The following CDAN1 variants were observed in gnomAD, a reference collection of about 807,000 sequenced individuals.
CDAN1 encodes codanin-1.
CDAN1 carries 107 observed loss-of-function variants against 139.8 expected under a neutral mutation model. The ratio of observed to expected loss-of-function variants is 0.77; its 90% CI spans 0.65 to 0.90. The LOEUF (loss-of-function observed/expected upper bound fraction) is 0.90. Among genes scored for constraint, CDAN1 ranks in the 40% least tolerant of loss-of-function variants. CDAN1 has a pLI of 0.00. For missense variants in CDAN1, 1,667 were observed against 1,575.7 expected (o/e 1.06, Z -0.98); for synonymous variants, 776 against 660.6 (o/e 1.17, Z -2.68).
At chr15:42,726,877 C>T (rs996642229) in intron 23 of CDAN1, 12 of 188,788 alleles carry the variant, frequency 6.4e-5, no homozygotes, top group Non-Finnish European at 1.2e-4. Flanking sequence ...CACTAAGCCT[C>T]TTCCTCTCCC....
chr15:42,729,403 T>C (rs766632710), intron 17 of CDAN1, 41 bp from the exon 18 acceptor site: 1 of 1,613,192 alleles, frequency 6.2e-7, no homozygotes, highest in East Asian at 2.2e-5. Flanking sequence ...CAGAACCCTC[T>C]CCCCTCCCTA....
At chr15:42,728,382 A>G (rs1191454278) in intron 20 of CDAN1, 115 bp from the exon 21 acceptor site, 2 of 1,232,840 alleles carry the variant, frequency 1.6e-6, no homozygotes, top group Non-Finnish European at 2.4e-6. Flanking sequence ...GGAAGGAGGC[A>G]CCGTTTGCCC....
chr15:42,733,184 T>A lies in CDAN1; in HGVS notation c.1370A>T (p.Asp457Val), dbSNP rs1478670893. 1 of 1,613,364 alleles carries A rather than the reference T, an allele frequency of 6.2e-7. No individual in the cohort carries two copies. Among genetic ancestry groups the A allele is most frequent in the African/African-American group, 1.3e-5 (1 of 74,734 alleles). ...CTCTCGCAGCACCTCATAAAACACATCCCTGACGCATAAGAACGCCTGATC... is the reference window on the plus strand; with the variant it reads ...CTCTCGCAGCACCTCATAAAACACAACCCTGACGCATAAGAACGCCTGATC... Reference protein sequence around the residue: ...RAFHTFKKQRDVFYEVLREWE... With the variant: ...RAFHTFKKQRVVFYEVLREWE... Residue 457 changes from aspartate to valine, a missense_variant and splice_region_variant, in exon 9 of 28, where the codon GAT becomes GTT. Transcript: ENST00000356231.
intron 11 of CDAN1, 56 bp from the exon 12 acceptor site, chr15:42,731,387 G>C: frequency 6.2e-7 from 1 of 1,609,608 alleles, no homozygotes; most frequent in Non-Finnish European, 8.5e-7. Flanking sequence ...GGAAAAGCCA[G>C]AATCGAGAAG....
At chr15:42,730,270 G>A in intron 14 of CDAN1, 55 bp from the exon 15 acceptor site, 1 of 1,486,948 alleles carries the variant, frequency 6.7e-7, no homozygotes, top group African/African-American at 1.4e-5. Flanking sequence ...AGGGAATGGA[G>A]GCAAACGCCA....
chr15:42,735,720 C>T (rs1164615163), intron 3 of CDAN1, 41 bp from the exon 4 acceptor site: 3 of 1,608,604 alleles, frequency 1.9e-6, no homozygotes, highest in African/African-American at 2.7e-5. Flanking sequence ...AGCTTGGCTT[C>T]CCTGCTACGG....
Position 42,733,201 on chromosome 15 carries a change from C to T in CDAN1, c.1368-15G>A, listed in dbSNP as rs74586882. 5.7e-3 allele frequency: 9,159 copies of T among 1,611,950 alleles called. 36 individuals carry two copies. Among genetic ancestry groups the T allele is most frequent in the Middle Eastern group, 6.9e-3 (42 of 6,060 alleles). On this transcript the variant is annotated splice_polypyrimidine_tract_variant and intron_variant, in intron 8 of 27. Coordinates refer to ENST00000356231, the MANE Select transcript of CDAN1 (RefSeq NM_138477.4). ...AAAACACATCCCTGACGCATAAGAA[C>T]GCCTGATCAGCCGAGGCACTCACTC...
intron 20 of CDAN1, among the ~76,000 whole-genome samples, 183 bp from the exon 21 acceptor site, chr15:42,728,450 TCA>T (rs1168375112): frequency 2.1e-5 from 3 of 142,278 alleles, no homozygotes; most frequent in East Asian, 4.7e-4. Flanking sequence ...CCCCACAGCA[TCA>T]CACACGCTCC....
chr15:42,727,322 C>T (rs763653681), intron 23 of CDAN1: 21 of 333,262 alleles, frequency 6.3e-5, no homozygotes, highest in Non-Finnish European at 9.8e-5. Context: ...CATTTGCTAT[C>T]AAGCCATTCA....
chr15:42,736,995 G>A lies in CDAN1; in HGVS notation c.90+18C>T. On this transcript the variant is annotated intron_variant, in intron 1 of 27. Transcript: ENST00000356231. ...AACCGGCTTCGAGTCAGACCTGGGG[G>A]CGTGTCACCGCTGTTACCTCCGAAC... 6.5e-7 allele frequency: 1 copy of A among 1,539,758 alleles called. No individual in the cohort carries two copies. Among genetic ancestry groups the A allele is most frequent in the Non-Finnish European group, 8.8e-7 (1 of 1,140,300 alleles).
Position 42,735,252 on chromosome 15 carries a change from C to T in CDAN1, c.1057+9G>A, listed in dbSNP as rs768425467. The T allele has an allele frequency of 1.2e-6, 2 of 1,604,478 alleles. No individual in the cohort carries two copies. Among genetic ancestry groups the T allele is most frequent in the South Asian group, 2.2e-5 (2 of 89,786 alleles). On this transcript the variant is annotated intron_variant, in intron 5 of 27. Transcript: ENST00000356231. Reference sequence around the variant, plus strand: ...ACCCCATGTCTCAAAAGGAGGCTTGCTCACTGACCTAGGACAGCTGGACTT... The same window carrying T: ...ACCCCATGTCTCAAAAGGAGGCTTGTTCACTGACCTAGGACAGCTGGACTT...
At chr15:42,724,897 T>C (rs1189715146) in intron 27 of CDAN1, 5 of 612,806 alleles carry the variant, frequency 8.2e-6, no homozygotes, top group Non-Finnish European at 1.4e-5. Flanking sequence ...AAATCCAGGT[T>C]ATTCTAATTT....
rs80338699 is a variant in CDAN1 at position 42,725,550 on chromosome 15, G to C, written c.3389C>G (p.Pro1130Arg). 6.2e-7 allele frequency: 1 copy of C among 1,614,146 alleles called. No homozygotes were observed. Among genetic ancestry groups the C allele is most frequent in the Non-Finnish European group, 8.5e-7 (1 of 1,180,020 alleles). The stretch of plus-strand genomic sequence containing the variant: ...TCTTGGGCTCAGCAGCAGCTGCAGC[G>C]GAACCGGCCCCTGAAAGTCTTCCTT... ...LWKEDFQGPV[P>R]LQLLLSPRNV... The change falls in exon 26 of 28, where the codon CCG becomes CGG. Residue 1130 changes from proline (P) to arginine (R), a missense_variant. Transcript: ENST00000356231.
rs1210291888 is a variant in CDAN1, at chr15:42,731,838, A to G, written c.1534-13T>C. The stretch of plus-strand genomic sequence containing the variant: ...GGCTCTGACACATCTAGGGTGGAAG[A>G]GGAAGGAGAGAAATTAAAAAAATCA... On this transcript the variant is annotated splice_polypyrimidine_tract_variant and intron_variant, in intron 10 of 27. Transcript: ENST00000356231. 1 of 1,613,388 alleles carries G rather than the reference A, an allele frequency of 6.2e-7. No homozygotes were observed. The highest frequency in any genetic ancestry group is 8.5e-7 in the Non-Finnish European group (1 of 1,179,406).
chr15:42,735,149 T>C lies in CDAN1; in HGVS notation c.1087A>G (p.Ile363Val). ...ACTGCAAAGAAGACACAATCGTGGATGCTTTGGAACAGTGGACTTTCCAGG... is the reference window on the plus strand; with the variant it reads ...ACTGCAAAGAAGACACAATCGTGGACGCTTTGGAACAGTGGACTTTCCAGG... ...DSLESPLFQS[I>V]HDCVFFAVQV... The change falls in exon 6 of 28, where the codon ATC becomes GTC. Residue 363 changes from isoleucine to valine, a missense_variant. Physicochemically the swap from Ile to Val is conservative, Grantham distance 29 (BLOSUM62 3). Transcript: ENST00000356231. The C allele has an allele frequency of 6.2e-7, 1 of 1,614,032 alleles. No individual in the cohort carries two copies. The highest frequency in any genetic ancestry group is 1.3e-5 in the African/African-American group (1 of 75,050).
Position 42,725,655 on chromosome 15 carries a change from G to A in CDAN1, c.3284C>T (p.Pro1095Leu), listed in dbSNP as rs1304703301. The A allele has an allele frequency of 6.2e-7, 1 of 1,614,048 alleles. No homozygotes were observed. The change falls in exon 26 of 28, where the codon CCT becomes CTT. Residue 1095 changes from proline to leucine, a missense_variant. By Grantham distance (98) the Pro-to-Leu change is moderately conservative (BLOSUM62 -3). Around this residue, in one of 3 missense-constraint regions of CDAN1, gnomAD observed 936 missense variants for 844.1 expected, o/e 1.11. Coordinates refer to ENST00000356231, the MANE Select transcript of CDAN1 (RefSeq NM_138477.4). The part of the protein sequence containing the change: ...LASLLVADQI[P>L]ILGPPAQYRL... Reference sequence around the variant, plus strand: ...GTACTGTGCCGGGGGCCCTAGGATAGGAATTTGATCTGCAACTGTGGAAAG... The same window carrying A: ...GTACTGTGCCGGGGGCCCTAGGATAAGAATTTGATCTGCAACTGTGGAAAG...
Position 42,735,867 on chromosome 15 carries a change from G to T in CDAN1, c.773+8C>A, listed in dbSNP as rs1387413748. ...AAACCGATATCCCCAGGAGCGGCCA[G>T]GCCATACCGCTCCTTCCTGAGCATC... On this transcript the variant is annotated splice_region_variant and intron_variant, in intron 3 of 27. Transcript: ENST00000356231. 1.2e-6 allele frequency: 2 copies of T among 1,614,066 alleles called. No homozygotes were observed. Among genetic ancestry groups the T allele is most frequent in the South Asian group, 1.1e-5 (1 of 91,060 alleles).
rs974851749 is a variant in CDAN1, at chr15:42,732,667, C to T, written c.1458-259G>A. Among the ~76,000 whole-genome samples the T allele has an allele frequency of 5.9e-5, 9 of 152,144 alleles. No homozygotes were observed. In the East Asian group the frequency reaches 1.2e-3, roughly 20 times the overall value. ...GACCGTCTTCAGCCACACTAACAGG[C>T]GGCGGGTTTCATGAGCAATGTGAAG... On this transcript the variant is annotated intron_variant, in intron 9 of 27. Coordinates refer to ENST00000356231, the MANE Select transcript of CDAN1 (RefSeq NM_138477.4).
chr15:42,733,067 GAAC>G (rs771524423), intron 9 of CDAN1, 27 bp downstream of exon 9: 3 of 1,603,478 alleles, frequency 1.9e-6, no homozygotes, highest in Non-Finnish European at 2.6e-6. Flanking sequence ...TCATTGCCAG[GAAC>G]AAGAAAGACA....
Sources: gnomAD v4.1 joint callset for allele counts (sites outside exome capture counted in the v4.1 genomes callset) on GRCh38, gnomAD v4.1.1 for gene constraint, gnomAD v4.1.1 regional missense constraint, MANE v1.5 for transcripts, NCBI Gene and HGNC (gene_info 2026-07-23, HGNC 2026-07-21) for gene names.